The following DNAH9 variants were observed in gnomAD, a reference collection of about 807,000 sequenced individuals.
DNAH9 encodes the protein dynein axonemal heavy chain 9.
DNAH9 carries 345 observed loss-of-function variants against 471.6 expected under a neutral mutation model. That is an observed-to-expected ratio of 0.73 (90% CI 0.67 to 0.80). DNAH9 has a LOEUF of 0.80. DNAH9 is among the 30% of genes least tolerant of loss of function. The pLI, the probability that DNAH9 is intolerant of heterozygous loss-of-function variation, is 0.00. For missense variants in DNAH9, 5,407 were observed against 5,609.2 expected (o/e 0.96, Z 1.15); for synonymous variants, 2,093 against 2,123.6 (o/e 0.99, Z 0.40).
At chr17:11,657,588 G>A (rs1226429629) in intron 14 of DNAH9, among the ~76,000 whole-genome samples, 1 of 151,952 alleles carries the variant, frequency 6.6e-6, no homozygotes, top group Non-Finnish European at 1.5e-5. Context: ...CTTGTGGTTA[G>A]TACTTTTGAG....
At chr17:11,848,076 G>A (rs1402419719) in intron 49 of DNAH9, among the ~76,000 whole-genome samples, 1 of 151,928 alleles carries the variant, frequency 6.6e-6, no homozygotes, top group East Asian at 1.9e-4. Flanking sequence ...AACATTACTA[G>A]CCCAGAGTAA....
At chr17:11,845,238 A>C (rs11654652) in intron 49 of DNAH9, among the ~76,000 whole-genome samples, 9 of 111,214 alleles carry the variant, frequency 8.1e-5, no homozygotes, top group Non-Finnish European at 1.7e-4. Context: ...TCCCACCTAT[A>C]AGTGAGAATA....
At chr17:11,701,013 A>G (rs944076820) in intron 23 of DNAH9, 109 bp from the exon 24 acceptor site, 22 of 1,197,954 alleles carry the variant, frequency 1.8e-5, no homozygotes, top group Non-Finnish European at 2.2e-5. Context: ...GGCTGTATAC[A>G]ATGTGTGGGC....
intron 32 of DNAH9, among the ~76,000 whole-genome samples, chr17:11,751,393 A>C (rs1334536367): frequency 6.6e-6 from 1 of 152,064 alleles, no homozygotes; most frequent in African/African-American, 2.4e-5. Context: ...ACAGTATCTC[A>C]AAAATAATAC....
At chr17:11,648,943 T>C (rs1215419202) in intron 12 of DNAH9, among the ~76,000 whole-genome samples, 1 of 152,058 alleles carries the variant, frequency 6.6e-6, no homozygotes, top group East Asian at 1.9e-4. Flanking sequence ...CTGACTGACA[T>C]GGAGAAACCC....
chr17:11,699,827 T>A lies in DNAH9; in HGVS notation c.4969T>A (p.Tyr1657Asn), dbSNP rs752972438. 31 of 1,614,068 alleles carry A rather than the reference T, an allele frequency of 1.9e-5. No individual in the cohort carries two copies. In the South Asian group the frequency reaches 3.4e-4, roughly 18 times the overall value. The part of the protein sequence containing the change: ...GEPTKTSLGM[Y>N]SKEEEYVAFS... Reference sequence around the variant, plus strand: ...ACCAACCAAGACAAGCCTCGGCATGTACAGCAAAGAAGAGGAGTATGTGGC... The same window carrying A: ...ACCAACCAAGACAAGCCTCGGCATGAACAGCAAAGAAGAGGAGTATGTGGC... Residue 1657 changes from tyrosine to asparagine, a missense_variant, in exon 23 of 69, where the codon TAC becomes AAC. By Grantham distance (143) the Tyr-to-Asn change is moderately radical. This residue lies in a region of DNAH9 where 4,636 missense variants were observed against 4,900.3 expected (regional missense o/e 0.95). Transcript: ENST00000262442.
intron 65 of DNAH9, among the ~76,000 whole-genome samples, chr17:11,936,977 G>C (rs552812412): frequency 1.4e-4 from 21 of 152,174 alleles, no homozygotes; most frequent in Admixed American, 1.4e-3. Flanking sequence ...AAGAGCTTAC[G>C]TAAAATCACT....
At chr17:11,727,445 C>G (rs574987262) in intron 27 of DNAH9, among the ~76,000 whole-genome samples, 1 of 152,112 alleles carries the variant, frequency 6.6e-6, no homozygotes, top group Non-Finnish European at 1.5e-5. Flanking sequence ...AAGATACAGA[C>G]GTAAATTTTT....
At chr17:11,800,186 C>T (rs1007625030) in intron 43 of DNAH9, among the ~76,000 whole-genome samples, 2 of 152,068 alleles carry the variant, frequency 1.3e-5, no homozygotes, top group African/African-American at 4.8e-5. Context: ...CGCGTCTTCC[C>T]GTCATCAAAT....
chr17:11,838,526 A>G (rs1018633819), intron 49 of DNAH9, among the ~76,000 whole-genome samples: 1 of 152,204 alleles, frequency 6.6e-6, no homozygotes, highest in Non-Finnish European at 1.5e-5. Context: ...TAGATGGAGA[A>G]GGTGGTAGAA....
intron 17 of DNAH9, among the ~76,000 whole-genome samples, chr17:11,672,579 A>G (rs1229998583): frequency 2.6e-5 from 4 of 152,160 alleles, no homozygotes; most frequent in African/African-American, 7.2e-5. Context: ...CCTTGCTGCC[A>G]TTAGTCCCTC....
intron 42 of DNAH9, among the ~76,000 whole-genome samples, chr17:11,796,767 C>G (rs1170784339): frequency 6.6e-6 from 1 of 152,224 alleles, no homozygotes; most frequent in Admixed American, 6.5e-5. Context: ...AACCTTTCCT[C>G]TATCTCAAGT....
chr17:11,725,766 C>T (rs747830387), intron 27 of DNAH9, among the ~76,000 whole-genome samples: 2 of 152,090 alleles, frequency 1.3e-5, no homozygotes, highest in Admixed American at 1.3e-4. Context: ...ACTTGGGAGG[C>T]TGAGGCAGCA....
At chr17:11,814,500 C>T (rs1368957469) in intron 45 of DNAH9, among the ~76,000 whole-genome samples, 1 of 152,160 alleles carries the variant, frequency 6.6e-6, no homozygotes, top group Admixed American at 6.5e-5. Flanking sequence ...AATTCATTTT[C>T]CTGTCCCAGG....
intron 39 of DNAH9, among the ~76,000 whole-genome samples, chr17:11,781,858 A>AAAC (rs1214382268): frequency 6.7e-6 from 1 of 149,372 alleles, no homozygotes; most frequent in East Asian, 2.0e-4. Context: ...CAAAAAAAAA[A>AAAC]CTACCAAACA....
intron 27 of DNAH9, among the ~76,000 whole-genome samples, chr17:11,725,651 G>C (rs1344251689): frequency 6.6e-6 from 1 of 152,110 alleles, no homozygotes; most frequent in Non-Finnish European, 1.5e-5. Context: ...TGGATCACTT[G>C]AGGCCAGGAG....
At chr17:11,939,183 A>G (rs1263145302) in intron 66 of DNAH9, among the ~76,000 whole-genome samples, 1 of 152,118 alleles carries the variant, frequency 6.6e-6, no homozygotes, top group Non-Finnish European at 1.5e-5. Context: ...TACTTCGAGA[A>G]AGCTGCTCCA....
chr17:11,791,871 A>G (rs1228517831), intron 41 of DNAH9, among the ~76,000 whole-genome samples: 2 of 152,222 alleles, frequency 1.3e-5, no homozygotes, highest in African/African-American at 4.8e-5. Flanking sequence ...AGATCTTGAA[A>G]TATGAGTATG....
At chr17:11,600,797 G>A (rs947749765) in intron 1 of DNAH9, among the ~76,000 whole-genome samples, 1 of 151,960 alleles carries the variant, frequency 6.6e-6, no homozygotes, top group Non-Finnish European at 1.5e-5. Context: ...TATTCCTTAG[G>A]GTAATTTTTT....
Sources: gnomAD v4.1 joint callset for allele counts (sites outside exome capture counted in the v4.1 genomes callset) on GRCh38, gnomAD v4.1.1 for gene constraint, gnomAD v4.1.1 regional missense constraint, MANE v1.5 for transcripts, NCBI Gene and HGNC (gene_info 2026-07-23, HGNC 2026-07-21) for gene names.